Variants in FREM1 observed in about 807,000 individuals in gnomAD.
FREM1 encodes FRAS1-related extracellular matrix protein 1.
Under a neutral mutation model 210.1 loss-of-function variants are expected in FREM1, and 220 were observed. That is an observed-to-expected ratio of 1.05 (90% CI 0.94 to 1.17). The LOEUF (loss-of-function observed/expected upper bound fraction) is 1.17, where lower values mean the gene tolerates loss of function less well. FREM1 is among the 50% of genes most tolerant of loss of function. The pLI is 0.00. For missense variants in FREM1, 3,454 were observed against 2,675.5 expected, an observed-to-expected ratio of 1.29 and a Z score of -6.42; for synonymous variants, 1,189 against 980.2, an observed-to-expected ratio of 1.21 and a Z score of -3.98.
intron 1 of FREM1, among the ~76,000 whole-genome samples, chr9:14,899,756 G>A (rs1838442121): frequency 6.6e-6 from 1 of 152,166 alleles, no homozygotes. Context: ...ATTTACTGTA[G>A]GCGCAATATC....
At chr9:14,746,520 T>A in intron 34 of FREM1, 52 bp from the exon 35 acceptor site, 2 of 1,456,084 alleles carry the variant, frequency 1.4e-6, no homozygotes, top group South Asian at 2.3e-5. Context: ...CAATCTGGAG[T>A]TGGTTCAGCA....
At chr9:14,760,228 G>C (rs932790388) in intron 27 of FREM1, among the ~76,000 whole-genome samples, 1 of 152,192 alleles carries the variant, frequency 6.6e-6, no homozygotes, top group African/African-American at 2.4e-5. Context: ...TGAAGGGAAA[G>C]GAACCAGCAG....
At chr9:14,833,580 T>G (rs776682348) in intron 10 of FREM1, among the ~76,000 whole-genome samples, 1 of 152,212 alleles carries the variant, frequency 6.6e-6, no homozygotes, top group Non-Finnish European at 1.5e-5. Context: ...TAATTAAGGC[T>G]CATTGATTTC....
At position 14,806,643 on chromosome 9, in the gene FREM1, G is replaced by C; in HGVS notation, c.3274+18C>G. The C allele has an allele frequency of 7.0e-7, 1 of 1,430,848 alleles. No individual in the cohort carries two copies. The highest frequency in any genetic ancestry group is 9.8e-7 in the Non-Finnish European group (1 of 1,025,596). The allele number at this position is 1,430,848 out of a possible 1,614,324, so 88.6% of individuals were successfully genotyped here. ...TATAAGGAAGGGAGTCATTGCTGGT[G>C]ACGAAGCTACAGCTTACCTATACTT... On this transcript the variant is annotated intron_variant, in intron 18 of 36. Transcript: ENST00000380880.
In FREM1 at chr9:14,764,035, ATGT is replaced by A. The variant is rs1395238507; in HGVS notation, c.5205-4137_5205-4135del. ...GAATTGCAGCTCCCATAATTCCCACATGTTGTGGGAGGGACCTGGTGGGAGATA... is the reference window on the plus strand; with the variant it reads ...GAATTGCAGCTCCCATAATTCCCACATGTGGGAGGGACCTGGTGGGAGATA... On this transcript the variant is annotated intron_variant, in intron 27 of 36. Transcript: ENST00000380880. Among the ~76,000 whole-genome samples the A allele has an allele frequency of 4.6e-5, 7 of 152,294 alleles. No homozygotes were observed. In the East Asian group the frequency reaches 1.4e-3, roughly 29 times the overall value.
intron 25 of FREM1, among the ~76,000 whole-genome samples, chr9:14,771,277 G>T (rs1446673256): frequency 6.6e-6 from 1 of 152,138 alleles, no homozygotes; most frequent in Non-Finnish European, 1.5e-5. Context: ...ACACAAAATT[G>T]TGAGGGTTTA....
intron 27 of FREM1, among the ~76,000 whole-genome samples, chr9:14,768,336 T>A (rs1478871589): frequency 2.4e-5 from 3 of 127,636 alleles, no homozygotes; most frequent in Non-Finnish European, 5.2e-5. Flanking sequence ...TTTTTTTTTT[T>A]ACATTTTCTT....
At chr9:14,828,697 TG>T (rs1210719185) in intron 10 of FREM1, among the ~76,000 whole-genome samples, 1 of 152,002 alleles carries the variant, frequency 6.6e-6, no homozygotes, top group East Asian at 1.9e-4. Flanking sequence ...AATTTATTTA[TG>T]GAAATAAATT....
chr9:14,764,206 G>C (rs1355547981), intron 27 of FREM1, among the ~76,000 whole-genome samples: 5 of 152,070 alleles, frequency 3.3e-5, no homozygotes, highest in African/African-American at 9.7e-5. Context: ...CTTGCCTTTT[G>C]CCTTCTGCCA....
rs559217781 is a variant in FREM1, at chr9:14,873,242, T to A, written c.-267-3998A>T. On this transcript the variant is annotated intron_variant, in intron 1 of 36. Coordinates refer to ENST00000380880, the MANE Select transcript of FREM1 (RefSeq NM_001379081.2). ...TTGATTGGAATAGTTTCAGAAGGAA[T>A]GGTACCAGCTCCTCCTTGTACCTCT... 3.3e-5 allele frequency among the ~76,000 whole-genome samples: 5 copies of A among 152,294 alleles called. No individual in the cohort carries two copies. The East Asian group carries it at 9.6e-4, about 29-fold the overall frequency.
At chr9:14,797,071 C>A (rs1447430348) in intron 21 of FREM1, among the ~76,000 whole-genome samples, 1 of 152,206 alleles carries the variant, frequency 6.6e-6, no homozygotes, top group Non-Finnish European at 1.5e-5. Flanking sequence ...TTCCCTCCGC[C>A]ACGCTTAGTT....
chr9:14,750,528 T>TA (rs370613322), intron 29 of FREM1, among the ~76,000 whole-genome samples: 340 of 149,086 alleles, frequency 2.3e-3, no homozygotes, highest in Middle Eastern at 0.01. Flanking sequence ...ATGCAAGGGA[T>TA]AAAAAAAAAA....
Position 14,737,251 on chromosome 9 carries a change from T to C in FREM1, c.*145A>G, listed in dbSNP as rs1840558395. The C allele has an allele frequency of 1.7e-6, 1 of 573,348 alleles. No individual in the cohort carries two copies. Among genetic ancestry groups the C allele is most frequent in the African/African-American group, 1.9e-5 (1 of 53,096 alleles). The allele number at this position is 573,348 out of a possible 1,614,324, so 35.5% of individuals were successfully genotyped here. ...TATTTATCAATCTTTCTGGCACTATTAAAAATGTCCCATTTTCACTAGACA... is the reference window on the plus strand; with the variant it reads ...TATTTATCAATCTTTCTGGCACTATCAAAAATGTCCCATTTTCACTAGACA... On this transcript the variant is annotated 3_prime_UTR_variant, in exon 37 of 37. Coordinates refer to ENST00000380880, the MANE Select transcript of FREM1 (RefSeq NM_001379081.2).
chr9:14,837,202 G>A lies in FREM1; in HGVS notation c.1881+4245C>T, dbSNP rs146273240. Among the ~76,000 whole-genome samples the A allele has an allele frequency of 4.2e-4, 64 of 152,212 alleles. No homozygotes were observed. In the East Asian group the frequency reaches 8.3e-3, roughly 20 times the overall value. On this transcript the variant is annotated intron_variant, in intron 10 of 36. Transcript: ENST00000380880. ...CTAGGGTGGGAGGACCAGCTTTTTC[G>A]CGGGCTACATGAATGACATGCCTGG...
intron 14 of FREM1, among the ~76,000 whole-genome samples, chr9:14,818,889 C>T (rs982686751): frequency 5.3e-5 from 8 of 152,172 alleles, no homozygotes; most frequent in African/African-American, 1.7e-4. Context: ...CAATTATGTA[C>T]ATTAGCCTCA....
chr9:14,792,006 G>T (rs571776873), intron 22 of FREM1, among the ~76,000 whole-genome samples: 2 of 151,974 alleles, frequency 1.3e-5, no homozygotes, highest in South Asian at 2.1e-4. Flanking sequence ...TGCCACACCC[G>T]GCTAATTTTT....
At chr9:14,847,397 A>AGGAAGGAAGGAAGGAAGGAAGGAAGG (rs1226952954) in intron 7 of FREM1, among the ~76,000 whole-genome samples, 1 of 31,560 alleles carries the variant, frequency 3.2e-5, no homozygotes, top group Non-Finnish European at 7.4e-5. Context: ...GGGAGAGAGA[A>AGGAAGGAAGGAAGGAAGGAAGGAAGG]AAAGAAGGAA....
chr9:14,804,004 G>C (rs1817853061), intron 19 of FREM1, among the ~76,000 whole-genome samples: 1 of 152,052 alleles, frequency 6.6e-6, no homozygotes, highest in Non-Finnish European at 1.5e-5. Context: ...ATAGATTATT[G>C]AGATTAGGAC....
chr9:14,832,734 T>C (rs954420385), intron 10 of FREM1, among the ~76,000 whole-genome samples: 1 of 152,146 alleles, frequency 6.6e-6, no homozygotes, highest in Non-Finnish European at 1.5e-5. Flanking sequence ...TTCTCACCAG[T>C]TGGGCTTTTG....
Sources: allele counts gnomAD v4.1 joint callset (sites outside exome capture counted in the v4.1 genomes callset), GRCh38; gene constraint gnomAD v4.1.1; transcripts MANE v1.5; gene names NCBI Gene and HGNC (gene_info 2026-07-23, HGNC 2026-07-21).